Variants in MYO10 observed in about 807,000 individuals in gnomAD.
MYO10 encodes the protein unconventional myosin-X.
A neutral mutation model predicts 257.3 loss-of-function variants in MYO10; 133 were observed. The observed-to-expected ratio is 0.52, with a 90% CI of 0.45 to 0.60. The LOEUF is 0.60. Among genes scored for constraint, MYO10 ranks in the 20% least tolerant of loss-of-function variants. The pLI, the probability that MYO10 is intolerant of heterozygous loss-of-function variation, is 0.00. For synonymous variants in MYO10, 1,104 were observed against 1,028.6 expected, an observed-to-expected ratio of 1.07 and a Z score of -1.40; for missense variants, 2,399 against 2,635.7, an observed-to-expected ratio of 0.91 and a Z score of 1.97.
chr5:16,758,500 G>A (rs945698002), intron 17 of MYO10, among the ~76,000 whole-genome samples: 5 of 152,218 alleles, frequency 3.3e-5, no homozygotes, highest in Non-Finnish European at 7.3e-5. Flanking sequence ...GGAGCTCTGT[G>A]CTTTCTGGAA....
rs1744706995 is a variant in MYO10 at position 16,879,815 on chromosome 5, A to C, written c.22-2108T>G. Reference sequence around the variant, plus strand: ...CTCATCTTCCTAGGAAGGAACATTTAAGACGACACAAAATCTGACGTAAAG... The same window carrying C: ...CTCATCTTCCTAGGAAGGAACATTTCAGACGACACAAAATCTGACGTAAAG... On this transcript the variant is annotated intron_variant, in intron 1 of 40. Coordinates refer to ENST00000513610, the MANE Select transcript of MYO10 (RefSeq NM_012334.3). Among the ~76,000 whole-genome samples, 4 of 152,242 alleles carry C rather than the reference A, an allele frequency of 2.6e-5. 1 individual carries two copies. The highest frequency in any genetic ancestry group is 2.6e-4 in the Admixed American group (4 of 15,282).
intron 19 of MYO10, among the ~76,000 whole-genome samples, chr5:16,731,831 G>A (rs1739594715): frequency 1.3e-5 from 2 of 152,228 alleles, no homozygotes; most frequent in African/African-American, 4.8e-5. Flanking sequence ...GCCTGGGAGT[G>A]TTGTCACGTG....
chr5:16,770,336 C>T (rs1018888012), intron 9 of MYO10, among the ~76,000 whole-genome samples: 1 of 152,176 alleles, frequency 6.6e-6, no homozygotes, highest in Non-Finnish European at 1.5e-5. Context: ...TTTTTAATTT[C>T]TCCAAAGGAT....
intron 1 of MYO10, among the ~76,000 whole-genome samples, chr5:16,927,616 G>A (rs1196094834): frequency 2.6e-5 from 4 of 152,080 alleles, no homozygotes; most frequent in Non-Finnish European, 5.9e-5. Context: ...GAGCCACCGC[G>A]CCCGGCCTTT....
Position 16,689,935 on chromosome 5 carries a change from A to C in MYO10, c.3801-16T>G. ...TATGATCTCTCTGCAAAGAAGCAAAAGCAACAAACGCACATCAGGAACACC... is the reference window on the plus strand; with the variant it reads ...TATGATCTCTCTGCAAAGAAGCAAACGCAACAAACGCACATCAGGAACACC... On this transcript the variant is annotated splice_polypyrimidine_tract_variant and intron_variant, in intron 27 of 40. Transcript: ENST00000513610. 1.3e-6 allele frequency: 2 copies of C among 1,573,446 alleles called. No individual in the cohort carries two copies. Among genetic ancestry groups the C allele is most frequent in the Non-Finnish European group, 1.7e-6 (2 of 1,143,114 alleles).
intron 19 of MYO10, among the ~76,000 whole-genome samples, chr5:16,715,580 ATG>A (rs61621012): frequency 2.8e-4 from 3 of 10,784 alleles, no homozygotes; most frequent in South Asian, 1.5e-3. Flanking sequence ...GATTACAGGC[ATG>A]AGCCACCTCA....
intron 2 of MYO10, among the ~76,000 whole-genome samples, chr5:16,875,290 C>G (rs1313970548): frequency 1.3e-5 from 2 of 152,170 alleles, no homozygotes; most frequent in African/African-American, 4.8e-5. Flanking sequence ...TGTACAGGTC[C>G]TGAAAGAAAC....
At chr5:16,781,149 G>A (rs757120133) in intron 6 of MYO10, among the ~76,000 whole-genome samples, 40 of 150,950 alleles carry the variant, frequency 2.6e-4, no homozygotes, top group Non-Finnish European at 4.1e-4. Flanking sequence ...GCACGATCTC[G>A]GCTCACTGCA....
intron 21 of MYO10, 80 bp downstream of exon 21, chr5:16,710,828 C>T: frequency 8.4e-7 from 1 of 1,187,934 alleles, no homozygotes; most frequent in Non-Finnish European, 1.2e-6. Context: ...ATAGCGGTGT[C>T]ATAGAGCCCT....
Position 16,681,975 on chromosome 5 carries a change from A to G in MYO10, c.4085T>C (p.Leu1362Pro). 6.2e-7 allele frequency: 1 copy of G among 1,613,848 alleles called. No homozygotes were observed. The highest frequency in any genetic ancestry group is 8.5e-7 in the Non-Finnish European group (1 of 1,179,884). Residue 1362 changes from leucine to proline, a missense_variant, in exon 31 of 41, where the codon CTG becomes CCG. Transcript: ENST00000513610. Reference sequence around the variant, plus strand: ...CTCCGGCGTGTCGGCGTTGCAGTGCAGCACCCGGTTGGCCGTGATGATCAC... The same window carrying G: ...CTCCGGCGTGTCGGCGTTGCAGTGCGGCACCCGGTTGGCCGTGATGATCAC... The part of the protein sequence containing the change: ...SFVIITANRV[L>P]HCNADTPEEM...
At chr5:16,712,832 T>C (rs1738681386) in intron 19 of MYO10, among the ~76,000 whole-genome samples, 1 of 152,192 alleles carries the variant, frequency 6.6e-6, no homozygotes, top group Admixed American at 6.5e-5. Context: ...TCCAAAGAAC[T>C]GTGGTTCTCT....
At chr5:16,783,611 A>G (rs1741489608) in intron 4 of MYO10, 142 bp from the exon 5 acceptor site, 1 of 945,724 alleles carries the variant, frequency 1.1e-6, no homozygotes, top group Middle Eastern at 2.2e-4. Context: ...GTTTCCAAAG[A>G]GCTGAGTTAA....
chr5:16,749,898 TGAGA>T (rs1259330272), intron 19 of MYO10, among the ~76,000 whole-genome samples: 1 of 152,212 alleles, frequency 6.6e-6, no homozygotes, highest in Non-Finnish European at 1.5e-5. Flanking sequence ...AGAATGTTAA[TGAGA>T]GACTTTTCTG....
chr5:16,912,184 C>G (rs1457047751), intron 1 of MYO10, among the ~76,000 whole-genome samples: 1 of 152,180 alleles, frequency 6.6e-6, no homozygotes, highest in Non-Finnish European at 1.5e-5. Context: ...ACACCCTGAT[C>G]TAAAGACTTT....
intron 19 of MYO10, among the ~76,000 whole-genome samples, chr5:16,737,388 C>A (rs893630958): frequency 1.3e-5 from 2 of 152,186 alleles, no homozygotes; most frequent in Non-Finnish European, 2.9e-5. Flanking sequence ...AGAGCAGTTA[C>A]ACAATGACAC....
At chr5:16,684,018 C>A in intron 29 of MYO10, 83 bp from the exon 30 acceptor site, 1 of 1,227,368 alleles carries the variant, frequency 8.1e-7, no homozygotes, top group South Asian at 1.3e-5. Flanking sequence ...GCCCACAACT[C>A]CCAATCAGAC....
chr5:16,684,104 T>C lies in MYO10; in HGVS notation c.3991-169A>G, dbSNP rs376184485. 2.4e-4 allele frequency among the ~76,000 whole-genome samples: 37 copies of C among 152,314 alleles called. 1 individual carries two copies. In the South Asian group the frequency reaches 3.5e-3, roughly 14 times the overall value. On this transcript the variant is annotated intron_variant, in intron 29 of 40. Coordinates refer to ENST00000513610, the MANE Select transcript of MYO10 (RefSeq NM_012334.3). ...GACTCCTCTGTTGTGTGAGTACAAA[T>C]AGCCTCTACACGGAGCAGAATCTAT...
chr5:16,908,770 T>C (rs1745581446), intron 1 of MYO10, among the ~76,000 whole-genome samples: 1 of 152,222 alleles, frequency 6.6e-6, no homozygotes, highest in African/African-American at 2.4e-5. Flanking sequence ...TTTACTCATA[T>C]AAAACAGAGC....
At chr5:16,854,400 C>T (rs1218509109) in intron 2 of MYO10, among the ~76,000 whole-genome samples, 1 of 152,142 alleles carries the variant, frequency 6.6e-6, no homozygotes, top group Non-Finnish European at 1.5e-5. Context: ...CATGCTGCAC[C>T]ATGGGTGACC....
Sources: gnomAD v4.1 joint callset for allele counts (sites outside exome capture counted in the v4.1 genomes callset) on GRCh38, gnomAD v4.1.1 for gene constraint, MANE v1.5 for transcripts, NCBI Gene and HGNC (gene_info 2026-07-23, HGNC 2026-07-21) for gene names.